The following B4GALNT3 variants were observed in gnomAD, a reference collection of about 807,000 sequenced individuals.
B4GALNT3 encodes beta-1,4-N-acetylgalactosaminyltransferase 3.
In B4GALNT3, 86 loss-of-function variants were observed where a neutral mutation model predicts 120.2. The observed-to-expected ratio is 0.72, with a 90% CI of 0.60 to 0.86. The LOEUF is 0.86. B4GALNT3 is among the 40% of genes least tolerant of loss of function. The pLI, the probability that B4GALNT3 is intolerant of heterozygous loss-of-function variation, is 0.00. For synonymous variants in B4GALNT3, 518 were observed against 510.4 expected, an observed-to-expected ratio of 1.01 and a Z score of -0.20; for missense variants, 1,167 against 1,298.9, an observed-to-expected ratio of 0.90 and a Z score of 1.56.
chr12:550,503 C>CAA lies in B4GALNT3; in HGVS notation c.998-412_998-411dup, dbSNP rs5795926. Among the ~76,000 whole-genome samples the CAA allele has an allele frequency of 1.3e-5, 2 of 151,384 alleles. No homozygotes were observed. Among genetic ancestry groups the CAA allele is most frequent in the Non-Finnish European group, 2.9e-5 (2 of 67,866 alleles). Reference sequence around the variant, plus strand: ...GATCCTGTCAAAAAAAACAAACAAACAAAAAAAACAACAAAGTTTCTTTAC... The same window carrying CAA: ...GATCCTGTCAAAAAAAACAAACAAACAAAAAAAAAACAACAAAGTTTCTTTAC... On this transcript the variant is annotated intron_variant, in intron 10 of 19. Transcript: ENST00000266383. The surrounding 1 kb of genome is among the most constrained non-coding windows in gnomAD (Gnocchi z 4.1).
chr12:507,613 C>T (rs1178136293), intron 1 of B4GALNT3, among the ~76,000 whole-genome samples: 1 of 152,240 alleles, frequency 6.6e-6, no homozygotes, highest in African/African-American at 2.4e-5. Flanking sequence ...CCACACCCTA[C>T]GCCCTGCGAG....
chr12:460,358 G>T lies in B4GALNT3; in HGVS notation c.-19G>T, dbSNP rs1946007602. On this transcript the variant is annotated 5_prime_UTR_variant, in exon 1 of 20. Coordinates refer to ENST00000266383, the MANE Select transcript of B4GALNT3 (RefSeq NM_173593.4). This position sits in a 1 kb window ranked among gnomAD's most constrained non-coding sequence, Gnocchi z 8.0. ...GGGGTTGGAGCCCGCGCTGGCGGCG[G>T]CCGCCTCGGCGCAGCGCCATGGGGA... is the stretch of plus-strand genomic sequence containing the variant. 8.7e-7 allele frequency: 1 copy of T among 1,144,712 alleles called. No individual in the cohort carries two copies. The highest frequency in any genetic ancestry group is 1.1e-6 in the Non-Finnish European group (1 of 933,132). The allele number at this position is 1,144,712 out of a possible 1,614,324, so 70.9% of individuals were successfully genotyped here.
rs140090392 is a variant in B4GALNT3 at position 512,410 on chromosome 12, ACCTTCCGCCTTCCG to A, written c.170-22742_170-22729del. On this transcript the variant is annotated intron_variant, in intron 1 of 19. Coordinates refer to ENST00000266383, the MANE Select transcript of B4GALNT3 (RefSeq NM_173593.4). ...CACCTTCTTCCACCTTTGACCTTCC[ACCTTCCGCCTTCCG>A]CCTTCCGCCTTCCATCTTCCTTCCA... 1.2e-4 allele frequency among the ~76,000 whole-genome samples: 10 copies of A among 82,148 alleles called. 1 individual carries two copies. Among genetic ancestry groups the A allele is most frequent in the East Asian group, 7.8e-4 (2 of 2,564 alleles). The allele number at this position is 82,148 out of a possible 152,430, so 53.9% of individuals were successfully genotyped here. A position where few individuals can be genotyped will look rare whatever the true frequency, so the allele number is the denominator to read the frequency against.
chr12:492,107 A>G (rs1394406656), intron 1 of B4GALNT3, among the ~76,000 whole-genome samples: 1 of 151,922 alleles, frequency 6.6e-6, no homozygotes, highest in Admixed American at 6.6e-5. Flanking sequence ...CTCCTTTTCA[A>G]CATTATACTG....
chr12:511,564 C>T (rs1312954039), intron 1 of B4GALNT3, among the ~76,000 whole-genome samples: 2 of 122,006 alleles, frequency 1.6e-5, no homozygotes, highest in Admixed American at 7.8e-5. Context: ...TTCCACCTTC[C>T]GCCTTCGACC....
chr12:545,019 T>G, intron 5 of B4GALNT3, 47 bp downstream of exon 5: 1 of 1,598,472 alleles, frequency 6.3e-7, no homozygotes, highest in Non-Finnish European at 8.6e-7. Flanking sequence ...TCTAGAGTTC[T>G]GCATCGGACC....
intron 1 of B4GALNT3, among the ~76,000 whole-genome samples, chr12:486,193 C>A (rs1477450571): frequency 5.4e-5 from 8 of 148,852 alleles, no homozygotes; most frequent in Non-Finnish European, 1.2e-4. Flanking sequence ...TTCTGAAATA[C>A]ACCAAAATAT....
chr12:474,218 ACTGT>A (rs1460986128), intron 1 of B4GALNT3, among the ~76,000 whole-genome samples: 16 of 152,160 alleles, frequency 1.1e-4, no homozygotes, highest in African/African-American at 3.4e-4. Flanking sequence ...CTGGCTAAAG[ACTGT>A]CTGGGCTGGG....
chr12:482,154 A>G (rs1050632221), intron 1 of B4GALNT3, among the ~76,000 whole-genome samples: 1 of 152,152 alleles, frequency 6.6e-6, no homozygotes, highest in Non-Finnish European at 1.5e-5. Context: ...GGGTATAAAG[A>G]GGTTTGTGGT....
At chr12:516,555 A>G (rs1449675973) in intron 1 of B4GALNT3, among the ~76,000 whole-genome samples, 1 of 152,234 alleles carries the variant, frequency 6.6e-6, no homozygotes, top group African/African-American at 2.4e-5. Context: ...TCGTTGAGCA[A>G]CCATATAATT....
At chr12:527,450 C>T (rs1025146670) in intron 1 of B4GALNT3, among the ~76,000 whole-genome samples, 20 of 152,222 alleles carry the variant, frequency 1.3e-4, no homozygotes, top group South Asian at 4.1e-4. Context: ...TTCAGTAGCT[C>T]AGGTGCTAGC....
intron 14 of B4GALNT3, among the ~76,000 whole-genome samples, chr12:556,122 ATGGTATCACACTG>A (rs926041899): frequency 6.6e-6 from 1 of 152,174 alleles, no homozygotes; most frequent in African/African-American, 2.4e-5. Flanking sequence ...TGAGTGTGAA[ATGGTATCACACTG>A]TGGTTTTGAT....
At chr12:494,077 C>T (rs541267839) in intron 1 of B4GALNT3, among the ~76,000 whole-genome samples, 2 of 152,084 alleles carry the variant, frequency 1.3e-5, no homozygotes, top group Non-Finnish European at 2.9e-5. Flanking sequence ...TGAGACCAGC[C>T]TGGGCAACAT....
intron 1 of B4GALNT3, among the ~76,000 whole-genome samples, chr12:483,603 T>G (rs912267729): frequency 3.9e-5 from 6 of 151,986 alleles, no homozygotes; most frequent in Admixed American, 1.3e-4. Context: ...GAGGCTGAGG[T>G]AGGAGGATCG....
chr12:482,007 C>G (rs1183977961), intron 1 of B4GALNT3, among the ~76,000 whole-genome samples: 1 of 152,000 alleles, frequency 6.6e-6, no homozygotes, highest in African/African-American at 2.4e-5. Flanking sequence ...AGGGTGTCCC[C>G]AAATCGTTCT....
chr12:557,147 A>T (rs1312085000), intron 15 of B4GALNT3, among the ~76,000 whole-genome samples: 1 of 152,032 alleles, frequency 6.6e-6, no homozygotes, highest in Non-Finnish European at 1.5e-5. Flanking sequence ...AACACTGGGG[A>T]TGATCATTGG....
chr12:494,199 G>A (rs1393158542), intron 1 of B4GALNT3, among the ~76,000 whole-genome samples: 3 of 151,568 alleles, frequency 2.0e-5, no homozygotes, highest in South Asian at 2.1e-4. Context: ...GATTGCTTGA[G>A]CCCGGAAGGT....
At chr12:472,572 G>A (rs1946146836) in intron 1 of B4GALNT3, among the ~76,000 whole-genome samples, 1 of 152,188 alleles carries the variant, frequency 6.6e-6, no homozygotes, top group Non-Finnish European at 1.5e-5. Flanking sequence ...CGAGTAGCTG[G>A]AACTACAGGT....
At chr12:557,164 G>C (rs1027333741) in intron 15 of B4GALNT3, among the ~76,000 whole-genome samples, 1 of 152,190 alleles carries the variant, frequency 6.6e-6, no homozygotes, top group African/African-American at 2.4e-5. Flanking sequence ...TTGGTCTGGG[G>C]AAGTAAGACG....
Sources: allele counts gnomAD v4.1 joint callset (sites outside exome capture counted in the v4.1 genomes callset), GRCh38; gene constraint gnomAD v4.1.1; non-coding constraint Gnocchi (gnomAD v3.1); transcripts MANE v1.5; gene names NCBI Gene and HGNC (gene_info 2026-07-23, HGNC 2026-07-21).